Variants in SCCPDH observed in about 807,000 individuals in gnomAD.
SCCPDH encodes saccharopine dehydrogenase-like oxidoreductase.
In SCCPDH, 34 loss-of-function variants were observed where a neutral mutation model predicts 51.5. That is an observed-to-expected ratio of 0.66 (90% CI 0.50 to 0.88). The LOEUF (loss-of-function observed/expected upper bound fraction) is 0.88, where lower values mean the gene tolerates loss of function less well. Among genes scored for constraint, SCCPDH ranks in the 40% least tolerant of loss-of-function variants. The probability of loss-of-function intolerance (pLI) is 0.00; values close to 1 mark genes in which losing one functional copy is unlikely to be tolerated. For synonymous variants in SCCPDH, 187 were observed against 191.3 expected, an observed-to-expected ratio of 0.98 and a Z score of 0.19; for missense variants, 464 against 527.1, an observed-to-expected ratio of 0.88 and a Z score of 1.17.
At chr1:246,730,229 CCCA>C (rs1292626608) in intron 2 of SCCPDH, among the ~76,000 whole-genome samples, 1 of 152,136 alleles carries the variant, frequency 6.6e-6, no homozygotes, top group Non-Finnish European at 1.5e-5. Flanking sequence ...CTGCTAAAGT[CCCA>C]CCCTGTCAAA....
intron 4 of SCCPDH, among the ~76,000 whole-genome samples, chr1:246,743,320 C>T (rs1030975729): frequency 6.6e-6 from 1 of 152,052 alleles, no homozygotes; most frequent in Non-Finnish European, 1.5e-5. Context: ...CATGGTGGCT[C>T]ACGCCTGAAA....
chr1:246,750,151 G>T (rs1668829176), intron 5 of SCCPDH, among the ~76,000 whole-genome samples: 1 of 152,110 alleles, frequency 6.6e-6, no homozygotes, highest in Non-Finnish European at 1.5e-5. Context: ...ACTAGGTAGG[G>T]TCCTTCGAAA....
At chr1:246,738,682 C>T (rs1305316965) in intron 3 of SCCPDH, among the ~76,000 whole-genome samples, 2 of 152,044 alleles carry the variant, frequency 1.3e-5, no homozygotes, top group African/African-American at 4.8e-5. Flanking sequence ...TGGAGAAACC[C>T]TGTCTCCACT....
At chr1:246,731,083 A>C (rs1006889464) in intron 2 of SCCPDH, among the ~76,000 whole-genome samples, 2 of 152,174 alleles carry the variant, frequency 1.3e-5, no homozygotes, top group Non-Finnish European at 2.9e-5. Flanking sequence ...GAAGAAGATG[A>C]GACATGGAGA....
intron 5 of SCCPDH, among the ~76,000 whole-genome samples, chr1:246,747,327 G>A (rs768271646): frequency 1.3e-5 from 2 of 152,144 alleles, no homozygotes; most frequent in Non-Finnish European, 2.9e-5. Context: ...TCATTCTTAA[G>A]CCAGTTGATG....
chr1:246,729,082 G>A (rs1301895788), intron 2 of SCCPDH, among the ~76,000 whole-genome samples: 1 of 152,140 alleles, frequency 6.6e-6, no homozygotes, highest in Non-Finnish European at 1.5e-5. Flanking sequence ...GGGAGGGAGT[G>A]TACAAATAGG....
At chr1:246,739,371 G>A (rs1303031769) in intron 3 of SCCPDH, among the ~76,000 whole-genome samples, 8 of 152,100 alleles carry the variant, frequency 5.3e-5, no homozygotes, top group Non-Finnish European at 8.8e-5. Context: ...CCAGTAGAGG[G>A]GCACTCTACA....
chr1:246,767,582 T>C lies in SCCPDH; in HGVS notation c.*282T>C, dbSNP rs996899667. The C allele has an allele frequency of 5.2e-6, 1 of 192,448 alleles. No individual in the cohort carries two copies. The highest frequency in any genetic ancestry group is 6.0e-5 in the Admixed American group (1 of 16,558). 11.9% of individuals were successfully genotyped at this position (192,448 alleles called of 1,614,324 possible). ...TTCACGAATGAGCTGGCAGGTCTAATGGGGGAGGCGGCGTCCCAGTCTGTG... is the reference window on the plus strand; with the variant it reads ...TTCACGAATGAGCTGGCAGGTCTAACGGGGGAGGCGGCGTCCCAGTCTGTG... On this transcript the variant is annotated 3_prime_UTR_variant, in exon 12 of 12. Transcript: ENST00000366510.
At chr1:246,725,749 C>T (rs995513228) in intron 1 of SCCPDH, among the ~76,000 whole-genome samples, 13 of 151,954 alleles carry the variant, frequency 8.6e-5, no homozygotes, top group Non-Finnish European at 1.5e-5. Context: ...TTTCTTTTTT[C>T]GGCTCAGCAA....
Position 246,736,044 on chromosome 1 carries a change from G to A in SCCPDH, c.373G>A (p.Gly125Arg). The A allele has an allele frequency of 1.2e-6, 2 of 1,608,580 alleles. No homozygotes were observed. The highest frequency in any genetic ancestry group is 1.7e-6 in the Non-Finnish European group (2 of 1,175,750). The stretch of plus-strand genomic sequence containing the variant: ...TGGAGCCAGTTGTATCGACATCAGT[G>A]GAGAACCTCAGGTATAAAAAATAAA... ...ENGASCIDIS[G>R]EPQFLELMQL... Residue 125 changes from glycine to arginine, a missense_variant, in exon 3 of 12, where the codon GGA becomes AGA. Physicochemically the swap from Gly to Arg is moderately radical, Grantham distance 125 (BLOSUM62 -2). Coordinates refer to ENST00000366510, the MANE Select transcript of SCCPDH (RefSeq NM_016002.3).
At position 246,736,030 on chromosome 1, in the gene SCCPDH, G is replaced by A; in HGVS notation, c.359G>A (p.Cys120Tyr). Residue 120 changes from cysteine (C) to tyrosine (Y), a missense_variant, in exon 3 of 12, where the codon TGT becomes TAT. By Grantham distance (194) the Cys-to-Tyr change is radical. Transcript: ENST00000366510. ...IKACIENGAS[C>Y]IDISGEPQFL... ...GCATGTATTGAAAATGGAGCCAGTT[G>A]TATCGACATCAGTGGAGAACCTCAG... is the stretch of plus-strand genomic sequence containing the variant. The A allele has an allele frequency of 6.2e-7, 1 of 1,612,356 alleles. No homozygotes were observed. The highest frequency in any genetic ancestry group is 8.5e-7 in the Non-Finnish European group (1 of 1,178,632).
At chr1:246,766,886 C>G (rs1000335597) in intron 11 of SCCPDH, among the ~76,000 whole-genome samples, 1 of 152,090 alleles carries the variant, frequency 6.6e-6, no homozygotes, top group African/African-American at 2.4e-5. Context: ...AGTCTGAGGA[C>G]TGTCCTTGTA....
At chr1:246,758,578 ATAAT>A (rs771479847) in intron 6 of SCCPDH, among the ~76,000 whole-genome samples, 11 of 152,240 alleles carry the variant, frequency 7.2e-5, no homozygotes, top group East Asian at 1.9e-4. Context: ...TAAATAAGAC[ATAAT>A]TAATCCATTA....
rs577713170 is a variant in SCCPDH, at chr1:246,751,857, T to TC, written c.565-6368dup. Among the ~76,000 whole-genome samples, 716 of 150,278 alleles carry TC rather than the reference T, an allele frequency of 4.8e-3. 6 individuals are homozygous for TC. The highest frequency in any genetic ancestry group is 0.015 in the African/African-American group (632 of 40,886). On this transcript the variant is annotated intron_variant, in intron 5 of 11. Transcript: ENST00000366510. Reference sequence around the variant, plus strand: ...GGCGCAGTCTCAGCTCACTGCAAGCTCGCCTCCCGGGTTCATGCCATTCTC... The same window carrying TC: ...GGCGCAGTCTCAGCTCACTGCAAGCTCCGCCTCCCGGGTTCATGCCATTCTC...
At chr1:246,745,853 A>C (rs1192561014) in intron 5 of SCCPDH, among the ~76,000 whole-genome samples, 1 of 152,144 alleles carries the variant, frequency 6.6e-6, no homozygotes, top group Non-Finnish European at 1.5e-5. Context: ...TCACGCCTGT[A>C]ATCCCAGCAC....
chr1:246,734,037 C>T (rs572998803), intron 2 of SCCPDH, among the ~76,000 whole-genome samples: 31 of 152,120 alleles, frequency 2.0e-4, no homozygotes, highest in Non-Finnish European at 4.4e-4. Flanking sequence ...CTTTGAAGTA[C>T]ACAAGAATCA....
chr1:246,764,390 A>G, intron 10 of SCCPDH, 33 bp downstream of exon 10: 2 of 1,220,184 alleles, frequency 1.6e-6, no homozygotes, highest in Non-Finnish European at 2.4e-6. Flanking sequence ...ATGCTTGGGA[A>G]TTTTATACTC....
At position 246,749,101 on chromosome 1, in the gene SCCPDH, G is replaced by A. The variant is rs187105656; in HGVS notation, c.564+4976G>A. 3.1e-3 allele frequency among the ~76,000 whole-genome samples: 473 copies of A among 152,306 alleles called. 4 individuals carry two copies. The highest frequency in any genetic ancestry group is 0.011 in the African/African-American group (453 of 41,578). ...TTGACCTCAGGGAACAGCAGTGAAA[G>A]AGTCTTGCATGACTCATCGCCTCGG... On this transcript the variant is annotated intron_variant, in intron 5 of 11. Transcript: ENST00000366510.
intron 5 of SCCPDH, among the ~76,000 whole-genome samples, chr1:246,745,594 G>A (rs945140035): frequency 5.9e-5 from 9 of 152,194 alleles, no homozygotes; most frequent in Non-Finnish European, 1.2e-4. Flanking sequence ...CTGGTGCTGT[G>A]GAGATGTGAA....
Sources: gnomAD v4.1 joint callset for allele counts (sites outside exome capture counted in the v4.1 genomes callset) on GRCh38, gnomAD v4.1.1 for gene constraint, MANE v1.5 for transcripts, NCBI Gene and HGNC (gene_info 2026-07-23, HGNC 2026-07-21) for gene names.